PEX19: variants seen among roughly 807,000 people sequenced by gnomAD.
PEX19 encodes the protein 33 kDa housekeeping protein.
In PEX19, 29 loss-of-function variants were observed where a neutral mutation model predicts 36.3. The observed-to-expected ratio is 0.80, with a 90% confidence interval of 0.60 to 1.09. The LOEUF (loss-of-function observed/expected upper bound fraction) is 1.09, where lower values mean the gene tolerates loss of function less well. Ranked by LOEUF, PEX19 falls within the 50% of genes least tolerant of loss-of-function variation. The probability of loss-of-function intolerance (pLI) is 0.00; values close to 1 mark genes in which losing one functional copy is unlikely to be tolerated. For missense variants in PEX19, 396 were observed against 368.1 expected, an observed-to-expected ratio of 1.08 and a Z score of -0.62; for synonymous variants, 141 against 135.2, an observed-to-expected ratio of 1.04 and a Z score of -0.30.
chr1:160,284,153 A>C (rs1657903943), intron 1 of PEX19: 1 of 471,768 alleles, frequency 2.1e-6, no homozygotes, highest in Non-Finnish European at 4.4e-6. Flanking sequence ...TACGGCATTA[A>C]ACTATCTTCT....
At chr1:160,284,527 G>T (rs1657921258) in intron 1 of PEX19, among the ~76,000 whole-genome samples, 1 of 152,182 alleles carries the variant, frequency 6.6e-6, no homozygotes, top group Non-Finnish European at 1.5e-5. Context: ...ATAAGGGAAA[G>T]GAGTCCGCTT....
chr1:160,284,081 C>A, intron 1 of PEX19: 2 of 471,914 alleles, frequency 4.2e-6, no homozygotes, highest in Non-Finnish European at 8.8e-6. Context: ...GGACATCCCA[C>A]CCAGCTTCCT....
Position 160,283,654 on chromosome 1 carries a change from G to T in PEX19, c.71-15C>A. ...ATCAAGAGCACCTTCAGAGACAAGA[G>T]ACATGGTGTGTGTGTTGGCGACAGA... On this transcript the variant is annotated splice_polypyrimidine_tract_variant and intron_variant, in intron 1 of 7. Transcript: ENST00000368072. 6.3e-7 allele frequency: 1 copy of T among 1,586,254 alleles called. No homozygotes were observed. The highest frequency in any genetic ancestry group is 8.7e-7 in the Non-Finnish European group (1 of 1,154,548).
Position 160,283,007 on chromosome 1 carries a change from C to T in PEX19, c.283G>A (p.Ala95Thr). Residue 95 changes from alanine (A) to threonine (T), a missense_variant, in exon 3 of 8, where the codon GCT (alanine) becomes ACT (threonine). By Grantham distance (58) the Ala-to-Thr change is moderately conservative. Transcript: ENST00000368072. The part of the protein sequence containing the change: ...AEFEKAMKEL[A>T]EEEPHLVEQF... ...TCCACCAGGTGGGGTTCTTCCTCAG[C>T]CAACTCCTTCATTGCCTTCTCGAAC... 6.2e-7 allele frequency: 1 copy of T among 1,614,218 alleles called. No homozygotes were observed. Among genetic ancestry groups the T allele is most frequent in the South Asian group, 1.1e-5 (1 of 91,084 alleles).
chr1:160,281,185 C>G (rs1657757922), intron 5 of PEX19: 1 of 152,274 alleles, frequency 6.6e-6, no homozygotes, highest in Admixed American at 6.5e-5. Context: ...GTGGCACACA[C>G]CTGTAGTCCC....
rs1322892867 is a variant in PEX19, at chr1:160,283,070, G to C, written c.220C>G (p.Leu74Val). The change falls in exon 3 of 8, where the codon CTA becomes GTA. Residue 74 changes from leucine to valine, a missense_variant. Coordinates refer to ENST00000368072, the MANE Select transcript of PEX19 (RefSeq NM_002857.4). ...TGGGAAGCCAGTTCACTGTCGAATA[G>C]TTCCTGGAAAAACTTCTCTTGGGAA... is the stretch of plus-strand genomic sequence containing the variant. ...FASQEKFFQE[L>V]FDSELASQAT... 2 of 1,614,044 alleles carry C rather than the reference G, an allele frequency of 1.2e-6. No homozygotes were observed. The highest frequency in any genetic ancestry group is 2.2e-5 in the South Asian group (2 of 91,068).
intron 4 of PEX19, 89 bp from the exon 5 acceptor site, chr1:160,282,289 C>T: frequency 6.6e-7 from 1 of 1,504,994 alleles, no homozygotes; most frequent in South Asian, 1.1e-5. Context: ...ACTATCTAAA[C>T]TTGCCTGTAA....
Position 160,278,811 on chromosome 1 carries a change from G to A in PEX19, c.*740C>T. 1 of 454,080 alleles carries A rather than the reference G, an allele frequency of 2.2e-6. No homozygotes were observed. Among genetic ancestry groups the A allele is most frequent in the Non-Finnish European group, 4.4e-6 (1 of 226,784 alleles). 28.1% of individuals were successfully genotyped at this position (454,080 alleles called of 1,614,324 possible). ...ATAAACAGGTGTTTAAAAAAGAGAG[G>A]AGGTAAAAGGGAGGATGGGCAGGGG... On this transcript the variant is annotated 3_prime_UTR_variant, in exon 8 of 8. Transcript: ENST00000368072.
chr1:160,282,344 C>T, intron 4 of PEX19, 73 bp downstream of exon 4: 3 of 1,431,224 alleles, frequency 2.1e-6, no homozygotes, highest in Non-Finnish European at 3.0e-6. Flanking sequence ...CTCAAAGCAT[C>T]TGTCTTTTGA....
chr1:160,280,388 G>A (rs1271735682), intron 5 of PEX19, 142 bp from the exon 6 acceptor site: 16 of 780,164 alleles, frequency 2.1e-5, no homozygotes, highest in South Asian at 1.5e-5. Context: ...CATGAAAAGC[G>A]GCACTGACTC....
intron 4 of PEX19, 39 bp downstream of exon 4, chr1:160,282,378 G>A (rs1366008539): frequency 3.3e-6 from 5 of 1,509,984 alleles, no homozygotes; most frequent in Admixed American, 3.3e-5. Flanking sequence ...AAATGTCTGG[G>A]AGTGGACCCC....
rs375982122 is a variant in PEX19, at chr1:160,277,579, C to A, written c.*1972G>T. ...CAACCTGCTCACATTCAATCAAAAT[C>A]AAAATAAAAATGAGTGCCTTGGGAA... is the stretch of plus-strand genomic sequence containing the variant. On this transcript the variant is annotated 3_prime_UTR_variant, in exon 8 of 8. Transcript: ENST00000368072. The A allele has an allele frequency of 3.9e-4, 175 of 454,118 alleles. 1 individual carries two copies. Among genetic ancestry groups the A allele is most frequent in the South Asian group, 1.1e-3 (69 of 64,468 alleles). The allele number at this position is 454,118 out of a possible 1,614,324, so 28.1% of individuals were successfully genotyped here. A position where few individuals can be genotyped will look rare whatever the true frequency, so the allele number is the denominator to read the frequency against.
chr1:160,283,176 A>G, intron 2 of PEX19, 67 bp from the exon 3 acceptor site: 2 of 1,558,980 alleles, frequency 1.3e-6, no homozygotes, highest in Non-Finnish European at 1.8e-6. Context: ...CCTCTGATAG[A>G]AGCCACAGGC....
chr1:160,278,127 C>T lies in PEX19; in HGVS notation c.*1424G>A. Reference sequence around the variant, plus strand: ...CAGCCAGCTGAGCTGACCAGAGTACCTACCAACATATGTCAGCCAAGGTCC... The same window carrying T: ...CAGCCAGCTGAGCTGACCAGAGTACTTACCAACATATGTCAGCCAAGGTCC... On this transcript the variant is annotated 3_prime_UTR_variant, in exon 8 of 8. Transcript: ENST00000368072. 1.4e-6 allele frequency: 1 copy of T among 702,552 alleles called. No individual in the cohort carries two copies. The highest frequency in any genetic ancestry group is 2.6e-6 in the Non-Finnish European group (1 of 384,998). 43.5% of individuals were successfully genotyped at this position (702,552 alleles called of 1,614,324 possible).
chr1:160,279,811 G>C lies in PEX19; in HGVS notation c.806C>G (p.Ala269Gly), dbSNP rs1203380773. Reference protein sequence around the residue: ...QDLGHPPKELAGEMPPGLNFD... With the variant: ...QDLGHPPKELGGEMPPGLNFD... ...ATAAGACATACTCACCATCTCTCCA[G>C]CCAGCTCTTTTGGAGGATGGCCTAA... The change falls in exon 7 of 8, where the codon GCT becomes GGT. Residue 269 changes from alanine (A) to glycine (G), a missense_variant. Transcript: ENST00000368072. 1 of 1,613,212 alleles carries C rather than the reference G, an allele frequency of 6.2e-7. No individual in the cohort carries two copies. The highest frequency in any genetic ancestry group is 8.5e-7 in the Non-Finnish European group (1 of 1,179,130).
chr1:160,282,983 C>T lies in PEX19; in HGVS notation c.307G>A (p.Glu103Lys). The T allele has an allele frequency of 6.2e-7, 1 of 1,614,202 alleles. No homozygotes were observed. ...ELAEEEPHLV[E>K]QFQKLSEAAG... ...GCCTCTGAGAGCTTTTGGAACTGCTCCACCAGGTGGGGTTCTTCCTCAGCC... is the reference window on the plus strand; with the variant it reads ...GCCTCTGAGAGCTTTTGGAACTGCTTCACCAGGTGGGGTTCTTCCTCAGCC... The change falls in exon 3 of 8, where the codon GAG (glutamate) becomes AAG (lysine). Residue 103 changes from glutamate to lysine, a missense_variant. By Grantham distance (56) the Glu-to-Lys change is moderately conservative. Transcript: ENST00000368072.
At chr1:160,282,626 C>A (rs1657819874) in intron 3 of PEX19, 124 bp from the exon 4 acceptor site, 8 of 793,646 alleles carry the variant, frequency 1.0e-5, no homozygotes, top group Non-Finnish European at 1.8e-5. Context: ...TCTTGGAAAA[C>A]CCTATGGTTA....
intron 1 of PEX19, chr1:160,284,180 G>C: frequency 2.1e-6 from 1 of 471,612 alleles, no homozygotes; most frequent in Non-Finnish European, 4.4e-6. Flanking sequence ...CTCCAGTTTA[G>C]TGCTCCCCAA....
Position 160,278,658 on chromosome 1 carries a change from T to C in PEX19, c.*893A>G, listed in dbSNP as rs775515137. 2 of 454,166 alleles carry C rather than the reference T, an allele frequency of 4.4e-6. No individual in the cohort carries two copies. Among genetic ancestry groups the C allele is most frequent in the Non-Finnish European group, 8.8e-6 (2 of 226,912 alleles). The allele number at this position is 454,166 out of a possible 1,614,324, so 28.1% of individuals were successfully genotyped here. On this transcript the variant is annotated 3_prime_UTR_variant, in exon 8 of 8. Coordinates refer to ENST00000368072, the MANE Select transcript of PEX19 (RefSeq NM_002857.4). ...TGGGGAAGAATAGCCATTAATTTCC[T>C]AGACCTGACACTGGGTTTATTTGTG... is the stretch of plus-strand genomic sequence containing the variant.
Sources: allele counts gnomAD v4.1 joint callset (sites outside exome capture counted in the v4.1 genomes callset), GRCh38; gene constraint gnomAD v4.1.1; transcripts MANE v1.5; gene names NCBI Gene and HGNC (gene_info 2026-07-23, HGNC 2026-07-21).